PTGER3: variants seen among roughly 807,000 people sequenced by gnomAD.
The protein encoded by PTGER3 is prostaglandin E receptor 3.
PTGER3 carries 22 observed loss-of-function variants against 34.7 expected under a neutral mutation model. That is an observed-to-expected ratio of 0.63 (90% CI 0.45 to 0.91). The LOEUF is 0.91. Among genes scored for constraint, PTGER3 ranks in the 40% least tolerant of loss-of-function variants. PTGER3 has a pLI of 0.00. For synonymous variants in PTGER3, 241 were observed against 230.1 expected, an observed-to-expected ratio of 1.05 and a Z score of -0.43; for missense variants, 468 against 519.4, an observed-to-expected ratio of 0.90 and a Z score of 0.96.
At chr1:70,955,849 C>G (rs781331134) in intron 2 of PTGER3, among the ~76,000 whole-genome samples, 4 of 152,122 alleles carry the variant, frequency 2.6e-5, no homozygotes, top group Non-Finnish European at 4.4e-5. Flanking sequence ...TCACTAATCC[C>G]ATCACTATGC....
At chr1:71,030,524 G>GA (rs1298960639) in intron 1 of PTGER3, among the ~76,000 whole-genome samples, 1 of 152,188 alleles carries the variant, frequency 6.6e-6, no homozygotes, top group East Asian at 1.9e-4. Flanking sequence ...TGTACTAGCT[G>GA]AAAAATGTTT....
chr1:71,012,977 T>G (rs538582029), intron 1 of PTGER3, among the ~76,000 whole-genome samples: 1 of 152,280 alleles, frequency 6.6e-6, no homozygotes, highest in Non-Finnish European at 1.5e-5. Context: ...GAATCCTTAC[T>G]ATTTAGCAGA....
intron 3 of PTGER3, among the ~76,000 whole-genome samples, chr1:70,972,529 A>AAT (rs1243061481): frequency 0.012 from 1,766 of 150,886 alleles, 27 homozygotes; most frequent in African/African-American, 0.04. Flanking sequence ...CTTATGGTAA[A>AAT]ATATATATAT....
At chr1:70,983,739 CA>C (rs1283118624) in intron 2 of PTGER3, among the ~76,000 whole-genome samples, 1 of 148,652 alleles carries the variant, frequency 6.7e-6, no homozygotes, top group African/African-American at 2.5e-5. Flanking sequence ...GTAAAATAAG[CA>C]AAAGGAAGAA....
chr1:71,011,498 A>C, intron 2 of PTGER3: 1 of 985,370 alleles, frequency 1.0e-6, no homozygotes, highest in Non-Finnish European at 1.2e-6. Flanking sequence ...AGTTTCATGA[A>C]TCTTCCTTAG....
intron 4 of PTGER3, among the ~76,000 whole-genome samples, chr1:70,934,045 A>C (rs1037813774): frequency 6.6e-6 from 1 of 152,156 alleles, no homozygotes; most frequent in South Asian, 2.1e-4. Context: ...CATTTTTCTC[A>C]CAATTATAAT....
chr1:71,006,485 A>G, intron 2 of PTGER3: 1 of 985,454 alleles, frequency 1.0e-6, no homozygotes, highest in Non-Finnish European at 1.2e-6. Flanking sequence ...GAGCAAGGAC[A>G]ATTCTTATTT....
At position 70,852,832 on chromosome 1, in the gene PTGER3, G is replaced by T. The variant is rs747095685; in HGVS notation, c.*51C>A. 5.0e-6 allele frequency: 8 copies of T among 1,613,192 alleles called. No homozygotes were observed. The African/African-American group carries it at 9.4e-5, about 19-fold the overall frequency. Reference sequence around the variant, plus strand: ...CCAGTGATGTGATCCTGGCAGAAAGGCAGGTTTTAATTTCCCCAAAATTCC... The same window carrying T: ...CCAGTGATGTGATCCTGGCAGAAAGTCAGGTTTTAATTTCCCCAAAATTCC... On this transcript the variant is annotated 3_prime_UTR_variant, in exon 5 of 5. Transcript: ENST00000370931.
intron 1 of PTGER3, among the ~76,000 whole-genome samples, chr1:71,039,843 A>C (rs1452992708): frequency 6.6e-6 from 1 of 152,036 alleles, no homozygotes; most frequent in Non-Finnish European, 1.5e-5. Flanking sequence ...TCAACACAAG[A>C]GTCAACACTA....
At chr1:70,981,331 CT>C (rs1654278943) in intron 2 of PTGER3, among the ~76,000 whole-genome samples, 2 of 49,308 alleles carry the variant, frequency 4.1e-5, no homozygotes, top group Non-Finnish European at 7.8e-5. Flanking sequence ...TTCTTTCTTT[CT>C]TTCTTTCTTT....
At chr1:70,881,143 T>G (rs1646382464) in intron 4 of PTGER3, among the ~76,000 whole-genome samples, 1 of 152,204 alleles carries the variant, frequency 6.6e-6, no homozygotes, top group Admixed American at 6.5e-5. Flanking sequence ...TCTGACGGAG[T>G]TATTTCAGAG....
chr1:71,007,575 A>G, intron 2 of PTGER3: 1 of 985,412 alleles, frequency 1.0e-6, no homozygotes, highest in Non-Finnish European at 1.2e-6. Flanking sequence ...GAAAATGGAC[A>G]GGTTTTCCAT....
chr1:70,900,520 T>C (rs1646812935), intron 4 of PTGER3, among the ~76,000 whole-genome samples: 1 of 149,592 alleles, frequency 6.7e-6, no homozygotes. Flanking sequence ...TTTTATATCA[T>C]AGTTATATTA....
At chr1:71,022,191 A>G (rs1658480130) in intron 1 of PTGER3, among the ~76,000 whole-genome samples, 1 of 151,900 alleles carries the variant, frequency 6.6e-6, no homozygotes, top group Non-Finnish European at 1.5e-5. Flanking sequence ...AGCTATAAAC[A>G]ATCATCTATC....
Position 71,046,726 on chromosome 1 carries a change from A to T in PTGER3, c.852T>A (p.Leu284=). 6.2e-7 allele frequency: 1 copy of T among 1,608,990 alleles called. No homozygotes were observed. The highest frequency in any genetic ancestry group is 8.5e-7 in the Non-Finnish European group (1 of 1,177,518). ...CCGACAGCACGCACATGATCCCCAT[A>T]AGCTGAATGGCCGTCTCGGTCGTGA... ...GRITTETAIQ[L]MGIMCVLSVC... is the part of the protein sequence containing the mutation. The change falls in exon 1 of 4, where the codon CTT becomes CTA. Residue 284 remains leucine (L), a synonymous_variant. Transcript: ENST00000306666.
intron 1 of PTGER3, among the ~76,000 whole-genome samples, chr1:71,033,129 C>A (rs1006899225): frequency 2.6e-5 from 4 of 152,202 alleles, no homozygotes; most frequent in Non-Finnish European, 5.9e-5. Flanking sequence ...TCACTTCCTT[C>A]TTGGGGAGCC....
intron 1 of PTGER3, among the ~76,000 whole-genome samples, chr1:71,013,679 GCAA>G (rs1657643910): frequency 6.7e-6 from 1 of 149,386 alleles, no homozygotes; most frequent in South Asian, 2.1e-4. Flanking sequence ...TCCAGCCTGG[GCAA>G]CAAGAGCAAA....
intron 1 of PTGER3, among the ~76,000 whole-genome samples, chr1:71,025,742 C>T (rs1389691728): frequency 1.3e-5 from 2 of 152,150 alleles, no homozygotes; most frequent in Non-Finnish European, 2.9e-5. Flanking sequence ...TACTGGGTAG[C>T]CCCAAGAGGA....
At chr1:70,977,357 G>A (rs1015869028) in intron 2 of PTGER3, among the ~76,000 whole-genome samples, 3 of 151,998 alleles carry the variant, frequency 2.0e-5, no homozygotes, top group Admixed American at 2.0e-4. Flanking sequence ...TGCCTCTGTG[G>A]GCTGAACACT....
Sources: allele counts gnomAD v4.1 joint callset (sites outside exome capture counted in the v4.1 genomes callset), GRCh38; gene constraint gnomAD v4.1.1; transcripts MANE v1.5; gene names NCBI Gene and HGNC (gene_info 2026-07-23, HGNC 2026-07-21).